The following KATNIP variants were observed in gnomAD, a reference collection of about 807,000 sequenced individuals.
The protein encoded by KATNIP is katanin-interacting protein.
A neutral mutation model predicts 174.0 loss-of-function variants in KATNIP; 126 were observed. That is an observed-to-expected ratio of 0.72 (90% CI 0.63 to 0.84). The LOEUF (loss-of-function observed/expected upper bound fraction) is 0.84. Among genes scored for constraint, KATNIP ranks in the 40% least tolerant of loss-of-function variants. KATNIP has a pLI of 0.00. For missense variants in KATNIP, 1,958 were observed against 2,109.7 expected, an observed-to-expected ratio of 0.93 and a Z score of 1.41; for synonymous variants, 810 against 835.7, an observed-to-expected ratio of 0.97 and a Z score of 0.53.
At chr16:27,772,891 GCA>G (rs139622729) in intron 22 of KATNIP, among the ~76,000 whole-genome samples, 2,057 of 150,590 alleles carry the variant, frequency 0.014, 28 homozygotes, top group African/African-American at 0.035. Flanking sequence ...ACACTCACAT[GCA>G]CACACACACA....
chr16:27,750,478 G>A (rs2081467048), intron 16 of KATNIP, among the ~76,000 whole-genome samples, 172 bp downstream of exon 16: 1 of 147,770 alleles, frequency 6.8e-6, no homozygotes. Context: ...GGAGTGCAGT[G>A]GCGCGATCTT....
At chr16:27,760,140 C>T (rs1421377728) in intron 18 of KATNIP, among the ~76,000 whole-genome samples, 1 of 152,192 alleles carries the variant, frequency 6.6e-6, no homozygotes, top group Non-Finnish European at 1.5e-5. Flanking sequence ...TCCAGTTCCT[C>T]ATCTGAGCTG....
intron 8 of KATNIP, among the ~76,000 whole-genome samples, chr16:27,682,767 G>T (rs1377321042): frequency 7.2e-5 from 11 of 152,124 alleles, no homozygotes; most frequent in Admixed American, 6.6e-4. Context: ...CCCCAATGTG[G>T]CAATACTGAG....
At chr16:27,769,548 C>T (rs900115975) in intron 20 of KATNIP, among the ~76,000 whole-genome samples, 10 of 152,222 alleles carry the variant, frequency 6.6e-5, no homozygotes, top group Non-Finnish European at 1.5e-4. Context: ...TGAGTCCATG[C>T]CCTTGACCTC....
At chr16:27,558,349 T>G (rs967293845) in intron 1 of KATNIP, among the ~76,000 whole-genome samples, 1 of 152,154 alleles carries the variant, frequency 6.6e-6, no homozygotes, top group East Asian at 1.9e-4. Flanking sequence ...TTTCATATGT[T>G]GGCCAGGCTG....
At chr16:27,582,459 G>A (rs191625230) in intron 2 of KATNIP, among the ~76,000 whole-genome samples, 7 of 152,204 alleles carry the variant, frequency 4.6e-5, no homozygotes, top group East Asian at 1.9e-4. Context: ...TCCCACTTGC[G>A]AAATTATTGT....
At chr16:27,642,116 T>G (rs184280887) in intron 5 of KATNIP, among the ~76,000 whole-genome samples, 1 of 152,322 alleles carries the variant, frequency 6.6e-6, no homozygotes, top group Admixed American at 6.5e-5. Context: ...AGCAAAGACT[T>G]GGGACCAACA....
chr16:27,647,458 C>T (rs1202755745), intron 5 of KATNIP, among the ~76,000 whole-genome samples: 2 of 151,908 alleles, frequency 1.3e-5, no homozygotes, highest in Non-Finnish European at 2.9e-5. Context: ...CCCCCCACCT[C>T]AGCCTCCCGA....
At chr16:27,701,739 C>A (rs760904052) in intron 11 of KATNIP, 44 bp downstream of exon 11, 39 of 1,317,846 alleles carry the variant, frequency 3.0e-5, no homozygotes, top group Non-Finnish European at 4.1e-5. Flanking sequence ...CTTAGCAGTG[C>A]AGCCATGGGG....
In KATNIP at chr16:27,778,605, G is replaced by T; in HGVS notation, c.4833G>T (p.Lys1611Asn). 6.2e-7 allele frequency: 1 copy of T among 1,613,946 alleles called. No individual in the cohort carries two copies. Among genetic ancestry groups the T allele is most frequent in the Non-Finnish European group, 8.5e-7 (1 of 1,179,866 alleles). The change falls in exon 28 of 28, where the codon AAG (lysine) becomes AAT (asparagine). Residue 1611 changes from lysine to asparagine, a missense_variant. This residue lies in a region of KATNIP where 383 missense variants were observed against 456.0 expected (regional missense o/e 0.84). Transcript: ENST00000261588. Reference sequence around the variant, plus strand: ...GTCCCAAAACCTGCATCAGCGAGAAGGAGACGAGACGACGGCGCTGCTGAC... The same window carrying T: ...GTCCCAAAACCTGCATCAGCGAGAATGAGACGAGACGACGGCGCTGCTGAC... Reference protein sequence around the residue: ...ALRPKTCISEKETRRRRC With the variant: ...ALRPKTCISENETRRRRC
intron 3 of KATNIP, among the ~76,000 whole-genome samples, chr16:27,625,551 C>T (rs1021308957): frequency 3.9e-5 from 6 of 152,168 alleles, no homozygotes; most frequent in East Asian, 1.9e-4. Flanking sequence ...GTTTTTCTTC[C>T]GTTTTATGTT....
At chr16:27,621,383 A>T (rs184978403) in intron 3 of KATNIP, among the ~76,000 whole-genome samples, 5 of 152,070 alleles carry the variant, frequency 3.3e-5, no homozygotes, top group African/African-American at 1.2e-4. Flanking sequence ...TCCATTTTCT[A>T]TACCCTCGTT....
intron 15 of KATNIP, 90 bp downstream of exon 15, chr16:27,741,010 CT>C: frequency 7.8e-7 from 1 of 1,279,746 alleles, no homozygotes; most frequent in Non-Finnish European, 1.1e-6. Flanking sequence ...CCTCAGTTTC[CT>C]TATCTGCACA....
intron 3 of KATNIP, among the ~76,000 whole-genome samples, chr16:27,620,086 G>A (rs746050637): frequency 6.6e-6 from 1 of 152,202 alleles, no homozygotes; most frequent in African/African-American, 2.4e-5. Flanking sequence ...CAATAAGTGT[G>A]CAATCAAAGA....
chr16:27,693,042 A>G lies in KATNIP; in HGVS notation c.941-5286A>G, dbSNP rs1471075293. Among the ~76,000 whole-genome samples, 5 of 542 alleles carry G rather than the reference A, an allele frequency of 9.2e-3. No individual in the cohort carries two copies. In the East Asian group the frequency reaches 0.19, roughly 21 times the overall value. The allele number at this position is 542 out of a possible 152,430, so 0.4% of individuals were successfully genotyped here. ...CACTCCTTTTGTGGTCCTCCTGGCTATTTCAGGACCTGATCCTTTTTGCAC... is the reference window on the plus strand; with the variant it reads ...CACTCCTTTTGTGGTCCTCCTGGCTGTTTCAGGACCTGATCCTTTTTGCAC... On this transcript the variant is annotated intron_variant, in intron 8 of 27. Transcript: ENST00000261588.
chr16:27,777,230 G>A lies in KATNIP; in HGVS notation c.4551+201G>A, dbSNP rs2082531232. ...GGCAGTGATTTCAGTGTCACCCTGA[G>A]CAAATAGAAAGTGGGTTTTCTTTCG... On this transcript the variant is annotated intron_variant, in intron 25 of 27. Coordinates refer to ENST00000261588, the MANE Select transcript of KATNIP (RefSeq NM_015202.5). The surrounding 1 kb of genome is among the most constrained non-coding windows in gnomAD (Gnocchi z 4.4). Among the ~76,000 whole-genome samples, 1 of 152,200 alleles carries A rather than the reference G, an allele frequency of 6.6e-6. No homozygotes were observed. Among genetic ancestry groups the A allele is most frequent in the South Asian group, 2.1e-4 (1 of 4,832 alleles).
At chr16:27,739,328 TG>T (rs2143512879) in intron 14 of KATNIP, among the ~76,000 whole-genome samples, 1 of 152,304 alleles carries the variant, frequency 6.6e-6, no homozygotes, top group Admixed American at 6.5e-5. Flanking sequence ...AGACTAGGGT[TG>T]GGGAAAGTGA....
chr16:27,713,357 G>A (rs2079669676), intron 13 of KATNIP, among the ~76,000 whole-genome samples: 1 of 152,004 alleles, frequency 6.6e-6, no homozygotes, highest in Non-Finnish European at 1.5e-5. Flanking sequence ...GATTGATACG[G>A]TTTGACTGTG....
At chr16:27,559,116 C>T (rs1049930198) in intron 1 of KATNIP, among the ~76,000 whole-genome samples, 1 of 152,296 alleles carries the variant, frequency 6.6e-6, no homozygotes, top group African/African-American at 2.4e-5. Context: ...TAGGCTAATG[C>T]AGAGCAATGT....
Sources: gnomAD v4.1 joint callset for allele counts (sites outside exome capture counted in the v4.1 genomes callset) on GRCh38, gnomAD v4.1.1 for gene constraint, gnomAD v4.1.1 regional missense constraint, Gnocchi (gnomAD v3.1) non-coding constraint, MANE v1.5 for transcripts, NCBI Gene and HGNC (gene_info 2026-07-23, HGNC 2026-07-21) for gene names.